Variants in COL19A1 observed in about 807,000 individuals in gnomAD.
COL19A1 encodes collagen type XIX alpha 1 chain, also known as collagen alpha-1(XIX) chain.
COL19A1 carries 159 observed loss-of-function variants against 190.2 expected under a neutral mutation model. That is an observed-to-expected ratio of 0.84 (90% CI 0.73 to 0.95). The LOEUF (loss-of-function observed/expected upper bound fraction) is 0.95. Ranked by LOEUF, COL19A1 falls within the 40% of genes least tolerant of loss-of-function variation. The probability of loss-of-function intolerance (pLI) is 0.00; values close to 1 mark genes in which losing one functional copy is unlikely to be tolerated. For missense variants in COL19A1, 1,418 were observed against 1,431.9 expected (o/e 0.99, Z 0.16); for synonymous variants, 509 against 458.9 (o/e 1.11, Z -1.39).
intron 16 of COL19A1, among the ~76,000 whole-genome samples, chr6:70,118,469 C>G (rs1257329145): frequency 6.6e-6 from 1 of 152,094 alleles, no homozygotes; most frequent in Non-Finnish European, 1.5e-5. Context: ...TCCTTCGGAC[C>G]GCTAGGAGAG....
intron 14 of COL19A1, among the ~76,000 whole-genome samples, chr6:70,045,324 A>C (rs1779851436): frequency 6.6e-6 from 1 of 151,804 alleles, no homozygotes; most frequent in East Asian, 1.9e-4. Flanking sequence ...AAAAAAAAAA[A>C]AAAAAAAAAA....
intron 12 of COL19A1, among the ~76,000 whole-genome samples, chr6:70,025,952 A>G (rs1778711053): frequency 6.6e-6 from 1 of 152,206 alleles, no homozygotes; most frequent in African/African-American, 2.4e-5. Context: ...TGTGAGAAGG[A>G]TACTAACTTG....
At chr6:70,115,714 T>C (rs930214297) in intron 16 of COL19A1, among the ~76,000 whole-genome samples, 2 of 152,072 alleles carry the variant, frequency 1.3e-5, no homozygotes, top group Admixed American at 6.6e-5. Flanking sequence ...TATTGAAATG[T>C]AAGAATAATA....
At chr6:70,072,140 GA>G (rs1307558065) in intron 15 of COL19A1, among the ~76,000 whole-genome samples, 3 of 152,104 alleles carry the variant, frequency 2.0e-5, no homozygotes, top group Admixed American at 2.0e-4. Flanking sequence ...CATGTTCATG[GA>G]TATTAATGAG....
intron 41 of COL19A1, among the ~76,000 whole-genome samples, chr6:70,175,651 T>G (rs139015193): frequency 6.6e-6 from 1 of 152,144 alleles, no homozygotes; most frequent in Admixed American, 6.5e-5. Flanking sequence ...TATGTTTAAA[T>G]GTTGGTATTA....
chr6:70,002,454 G>A (rs1001610413), intron 11 of COL19A1, among the ~76,000 whole-genome samples: 2 of 151,810 alleles, frequency 1.3e-5, no homozygotes, highest in African/African-American at 4.8e-5. Context: ...TTATACCCCT[G>A]GTAGAATTTA....
intron 46 of COL19A1, among the ~76,000 whole-genome samples, chr6:70,186,320 T>G (rs1766510338): frequency 6.6e-6 from 1 of 152,208 alleles, no homozygotes; most frequent in African/African-American, 2.4e-5. Flanking sequence ...TATTAATCAT[T>G]GATCAAAGTG....
chr6:70,060,491 C>T (rs929341326), intron 14 of COL19A1, among the ~76,000 whole-genome samples: 4 of 152,050 alleles, frequency 2.6e-5, no homozygotes, highest in African/African-American at 9.7e-5. Context: ...TCTGTATCTA[C>T]AGCCACTCCC....
chr6:70,119,214 T>G (rs539944963), intron 16 of COL19A1, among the ~76,000 whole-genome samples: 6 of 152,196 alleles, frequency 3.9e-5, no homozygotes, highest in African/African-American at 9.6e-5. Flanking sequence ...TAGGATACAT[T>G]TGAATACAGT....
intron 14 of COL19A1, among the ~76,000 whole-genome samples, chr6:70,056,375 A>G (rs1214453197): frequency 6.6e-6 from 1 of 152,150 alleles, no homozygotes; most frequent in Non-Finnish European, 1.5e-5. Flanking sequence ...ATGCCTATGG[A>G]TTCTTTTTCC....
At chr6:69,962,038 C>A (rs750268884) in intron 10 of COL19A1, among the ~76,000 whole-genome samples, 29 of 152,138 alleles carry the variant, frequency 1.9e-4, no homozygotes, top group Non-Finnish European at 3.8e-4. Context: ...TCCAGGCCCT[C>A]CATGGGTGGA....
At chr6:69,973,753 T>G (rs753059013) in intron 11 of COL19A1, 4 of 152,232 alleles carry the variant, frequency 2.6e-5, no homozygotes, top group Non-Finnish European at 4.4e-5. Context: ...AAAAATCTCT[T>G]TTTTGGAAGT....
At chr6:70,131,014 A>T (rs1471385993) in intron 18 of COL19A1, 2 of 463,262 alleles carry the variant, frequency 4.3e-6, no homozygotes, top group Non-Finnish European at 8.9e-6. Flanking sequence ...AAACTAAGAC[A>T]CTGATAAATT....
At chr6:70,077,604 G>GT (rs1344087636) in intron 15 of COL19A1, among the ~76,000 whole-genome samples, 31 of 152,146 alleles carry the variant, frequency 2.0e-4, no homozygotes, top group Admixed American at 6.5e-5. Flanking sequence ...AGTATACAAC[G>GT]TATGTTGTGA....
At chr6:69,912,554 C>A (rs1771012731) in intron 4 of COL19A1, among the ~76,000 whole-genome samples, 1 of 152,162 alleles carries the variant, frequency 6.6e-6, no homozygotes, top group African/African-American at 2.4e-5. Context: ...CTCTGTGAGA[C>A]CCAACCAACC....
intron 15 of COL19A1, among the ~76,000 whole-genome samples, chr6:70,085,646 A>T (rs546842378): frequency 6.6e-6 from 1 of 152,316 alleles, no homozygotes; most frequent in East Asian, 1.9e-4. Flanking sequence ...CAGATGTTTC[A>T]TAAGGATTCT....
At chr6:69,911,819 G>A (rs1483110642) in intron 4 of COL19A1, among the ~76,000 whole-genome samples, 1 of 152,136 alleles carries the variant, frequency 6.6e-6, no homozygotes, top group East Asian at 1.9e-4. Flanking sequence ...CCTCTCCACA[G>A]TATCCTGGCC....
Position 70,079,063 on chromosome 6 carries a change from C to G in COL19A1, c.1224+10587C>G, listed in dbSNP as rs1217866846. On this transcript the variant is annotated intron_variant, in intron 15 of 50. Coordinates refer to ENST00000620364, the MANE Select transcript of COL19A1 (RefSeq NM_001858.6). ...GTGTGGGCGACAAAGGAGACTCTAT[C>G]TCAAAGAAAAGAAAACTATTCTTGT... Among the ~76,000 whole-genome samples the G allele has an allele frequency of 3.9e-5, 6 of 152,076 alleles. No individual in the cohort carries two copies. In the South Asian group the frequency reaches 1.2e-3, roughly 32 times the overall value.
chr6:70,188,279 C>A, intron 47 of COL19A1, 34 bp downstream of exon 47: 3 of 1,556,858 alleles, frequency 1.9e-6, no homozygotes, highest in South Asian at 1.3e-5. Context: ...GGGCTCCTGG[C>A]TTGTACCGAC....
Sources: allele counts gnomAD v4.1 joint callset (sites outside exome capture counted in the v4.1 genomes callset), GRCh38; gene constraint gnomAD v4.1.1; transcripts MANE v1.5; gene names NCBI Gene and HGNC (gene_info 2026-07-23, HGNC 2026-07-21).